The following CTNNAL1 variants were observed in gnomAD, a reference collection of about 807,000 sequenced individuals.
CTNNAL1 encodes catenin alpha like 1, also known as alpha-catulin.
CTNNAL1 carries 69 observed loss-of-function variants against 93.6 expected under a neutral mutation model. The ratio of observed to expected loss-of-function variants is 0.74; its 90% CI spans 0.61 to 0.90. CTNNAL1 has a LOEUF of 0.90. Among genes scored for constraint, CTNNAL1 ranks in the 40% least tolerant of loss-of-function variants. The pLI is 0.00. For missense variants in CTNNAL1, 836 were observed against 862.0 expected (o/e 0.97, Z 0.38); for synonymous variants, 286 against 305.4 (o/e 0.94, Z 0.66).
Position 108,963,895 on chromosome 9 carries a change from T to C in CTNNAL1, c.1591+1483A>G, listed in dbSNP as rs1219490314. On this transcript the variant is annotated intron_variant, in intron 11 of 18. Coordinates refer to ENST00000325551, the MANE Select transcript of CTNNAL1 (RefSeq NM_003798.4). ...ATCACTGAGCCTAAGACTTTCATTA[T>C]TGAGTCAAGGACACTTGGGCCCGGA... is the stretch of plus-strand genomic sequence containing the variant. Among the ~76,000 whole-genome samples the C allele has an allele frequency of 5.3e-5, 8 of 152,282 alleles. No homozygotes were observed. In the East Asian group the frequency reaches 5.8e-4, roughly 11 times the overall value.
intron 2 of CTNNAL1, among the ~76,000 whole-genome samples, chr9:108,993,954 G>T (rs888783316): frequency 6.6e-6 from 1 of 152,196 alleles, no homozygotes; most frequent in African/African-American, 2.4e-5. Context: ...AGTCTGGCAG[G>T]CACAGTGGCT....
At chr9:108,981,035 C>T (rs1831412164) in intron 6 of CTNNAL1, among the ~76,000 whole-genome samples, 1 of 152,224 alleles carries the variant, frequency 6.6e-6, no homozygotes, top group South Asian at 2.1e-4. Flanking sequence ...GACAGTGAGA[C>T]TGAGCCTATT....
Position 108,965,617 on chromosome 9 carries a change from T to G in CTNNAL1, c.1441-89A>C, listed in dbSNP as rs577599781. On this transcript the variant is annotated intron_variant, in intron 10 of 18. Transcript: ENST00000325551. ...GACCAAAGGTAAGTAAGTCTGCTGT[T>G]CAATTCAACTCAATAAACAACTATG... The G allele has an allele frequency of 8.3e-6, 5 of 601,010 alleles. No homozygotes were observed. In the Admixed American group the frequency reaches 1.9e-4, roughly 23 times the overall value. The allele number at this position is 601,010 out of a possible 1,614,324, so 37.2% of individuals were successfully genotyped here. A position where few individuals can be genotyped will look rare whatever the true frequency, so the allele number is the denominator to read the frequency against.
At chr9:108,987,506 A>G (rs888540643) in intron 4 of CTNNAL1, among the ~76,000 whole-genome samples, 1 of 152,080 alleles carries the variant, frequency 6.6e-6, no homozygotes, top group East Asian at 1.9e-4. Context: ...TGACTTGGCA[A>G]TGCGGGCTCT....
chr9:108,972,863 G>GGGGGGGGGGA, intron 8 of CTNNAL1, 30 bp from the exon 9 acceptor site: 1 of 231,688 alleles, frequency 4.3e-6, no homozygotes, highest in South Asian at 5.4e-5. Flanking sequence ...TGGGGGGGTG[G>GGGGGGGGGGA]GAGGGTGGAG....
intron 2 of CTNNAL1, among the ~76,000 whole-genome samples, chr9:108,993,995 C>T (rs904076059): frequency 6.6e-5 from 10 of 152,150 alleles, no homozygotes; most frequent in African/African-American, 2.2e-4. Flanking sequence ...TTTAGGAGGC[C>T]GAGGCGGGTG....
At chr9:109,002,966 C>T (rs1197437810) in intron 1 of CTNNAL1, among the ~76,000 whole-genome samples, 1 of 151,910 alleles carries the variant, frequency 6.6e-6, no homozygotes, top group Non-Finnish European at 1.5e-5. Flanking sequence ...GCACTCCAGC[C>T]TGGGCAACAA....
At chr9:108,994,163 G>A (rs1253856973) in intron 2 of CTNNAL1, among the ~76,000 whole-genome samples, 3 of 152,046 alleles carry the variant, frequency 2.0e-5, no homozygotes, top group South Asian at 2.1e-4. Context: ...CCTGGGAAGC[G>A]GAGGTTGCAG....
intron 7 of CTNNAL1, 103 bp downstream of exon 7, chr9:108,979,178 A>G: frequency 7.1e-7 from 1 of 1,414,800 alleles, no homozygotes; most frequent in Non-Finnish European, 9.6e-7. Flanking sequence ...CCCATTCTGG[A>G]ACAAATTCAT....
intron 2 of CTNNAL1, 140 bp from the exon 3 acceptor site, chr9:108,992,959 T>C (rs561456077): frequency 7.2e-5 from 66 of 915,912 alleles, no homozygotes; most frequent in Non-Finnish European, 9.7e-5. Context: ...CGGTTTCACC[T>C]TGACGATTGT....
chr9:108,975,312 G>C (rs1831234837), intron 8 of CTNNAL1, among the ~76,000 whole-genome samples: 1 of 140,336 alleles, frequency 7.1e-6, no homozygotes. Context: ...GGAGCAACAG[G>C]ATAAAGGGGT....
intron 11 of CTNNAL1, among the ~76,000 whole-genome samples, 183 bp downstream of exon 11, chr9:108,965,195 G>A (rs1830920814): frequency 6.6e-6 from 1 of 151,938 alleles, no homozygotes; most frequent in South Asian, 2.1e-4. Flanking sequence ...TTACTGCTTG[G>A]ATACTAAAAT....
intron 1 of CTNNAL1, 130 bp downstream of exon 1, chr9:109,013,172 G>A (rs1307353177): frequency 1.7e-6 from 2 of 1,197,980 alleles, no homozygotes; most frequent in Non-Finnish European, 2.2e-6. Context: ...CAGGCGGTCC[G>A]ACAAGAACGC....
At chr9:109,007,914 T>C (rs1827082614) in intron 1 of CTNNAL1, among the ~76,000 whole-genome samples, 1 of 152,180 alleles carries the variant, frequency 6.6e-6, no homozygotes, top group Admixed American at 6.5e-5. Flanking sequence ...CCCTAAATGA[T>C]ATCTGGTTTA....
chr9:108,953,832 A>T (rs1361318156), intron 12 of CTNNAL1, among the ~76,000 whole-genome samples: 1 of 151,738 alleles, frequency 6.6e-6, no homozygotes, highest in Admixed American at 6.5e-5. Flanking sequence ...ACAGAGAGAA[A>T]GAGACAAAGA....
chr9:108,987,034 T>G (rs926242836), intron 4 of CTNNAL1, among the ~76,000 whole-genome samples: 20 of 152,304 alleles, frequency 1.3e-4, no homozygotes, highest in African/African-American at 4.1e-4. Flanking sequence ...TTAGTTTAAT[T>G]AGATCCCATT....
chr9:108,997,440 A>G (rs1334637754), intron 2 of CTNNAL1, among the ~76,000 whole-genome samples: 1 of 152,230 alleles, frequency 6.6e-6, no homozygotes, highest in Non-Finnish European at 1.5e-5. Flanking sequence ...GATCTGTGAA[A>G]TGTTCTTGTT....
intron 8 of CTNNAL1, 31 bp from the exon 9 acceptor site, chr9:108,972,864 G>GGGGGGCCGCCCCCCCCC: frequency 2.8e-5 from 4 of 142,578 alleles, no homozygotes; most frequent in Non-Finnish European, 4.0e-5. Flanking sequence ...GGGGGGGTGG[G>GGGGGGCCGCCCCCCCCC]AGGGTGGAGA....
chr9:108,961,351 G>C (rs1434147238), intron 11 of CTNNAL1, among the ~76,000 whole-genome samples: 1 of 152,168 alleles, frequency 6.6e-6, no homozygotes, highest in African/African-American at 2.4e-5. Context: ...CCCAGAGATG[G>C]ACTTCTTTGA....
Sources: allele counts gnomAD v4.1 joint callset (sites outside exome capture counted in the v4.1 genomes callset), GRCh38; gene constraint gnomAD v4.1.1; transcripts MANE v1.5; gene names NCBI Gene and HGNC (gene_info 2026-07-23, HGNC 2026-07-21).